The following DHRS3 variants were observed in gnomAD, a reference collection of about 807,000 sequenced individuals.
DHRS3 encodes dehydrogenase/reductase 3.
In DHRS3, 14 loss-of-function variants were observed where a neutral mutation model predicts 27.2. The observed-to-expected ratio is 0.52, with a 90% CI of 0.34 to 0.81. DHRS3 has a LOEUF of 0.81. Among genes scored for constraint, DHRS3 ranks in the 30% least tolerant of loss-of-function variants. The probability of loss-of-function intolerance (pLI) is 0.01; values close to 1 mark genes in which losing one functional copy is unlikely to be tolerated. For missense variants in DHRS3, 322 were observed against 406.2 expected, an observed-to-expected ratio of 0.79 and a Z score of 1.78; for synonymous variants, 165 against 175.9, an observed-to-expected ratio of 0.94 and a Z score of 0.49.
chr1:12,614,495 A>T (rs554171315), intron 1 of DHRS3, among the ~76,000 whole-genome samples: 1 of 151,038 alleles, frequency 6.6e-6, no homozygotes, highest in African/African-American at 2.4e-5. Context: ...TCAAATTCTT[A>T]CAGCCTTAGT....
At chr1:12,602,466 A>G (rs916124192) in intron 1 of DHRS3, among the ~76,000 whole-genome samples, 3 of 150,590 alleles carry the variant, frequency 2.0e-5, no homozygotes, top group African/African-American at 7.3e-5. Flanking sequence ...CAGGGGCACA[A>G]CTCTCTGCTT....
chr1:12,610,117 T>A (rs1185073713), intron 1 of DHRS3, among the ~76,000 whole-genome samples: 5 of 152,148 alleles, frequency 3.3e-5, no homozygotes, highest in African/African-American at 9.7e-5. Context: ...CTCCCACTGT[T>A]GCTCAGGCTG....
intron 1 of DHRS3, among the ~76,000 whole-genome samples, chr1:12,581,404 T>C (rs766266347): frequency 1.3e-5 from 2 of 152,160 alleles, no homozygotes; most frequent in Admixed American, 6.5e-5. Flanking sequence ...GTAGCATAGA[T>C]GGGACCATTC....
In DHRS3 at chr1:12,592,468, G is replaced by A. The variant is rs772580507; in HGVS notation, c.196-11802C>T. 1.3e-5 allele frequency among the ~76,000 whole-genome samples: 2 copies of A among 152,216 alleles called. No individual in the cohort carries two copies. The highest frequency in any genetic ancestry group is 2.9e-5 in the Non-Finnish European group (2 of 68,032). ...ACAGAGGAGAGGAAGGCCGCGTGAAGATGGAAGCAGAGACGGCAGTGAGGC... is the reference window on the plus strand; with the variant it reads ...ACAGAGGAGAGGAAGGCCGCGTGAAAATGGAAGCAGAGACGGCAGTGAGGC... On this transcript the variant is annotated intron_variant, in intron 1 of 5. Coordinates refer to ENST00000616661, the MANE Select transcript of DHRS3 (RefSeq NM_004753.7). The surrounding 1 kb of genome is among the most constrained non-coding windows in gnomAD (Gnocchi z 4.2).
chr1:12,612,769 G>T (rs1204530418), intron 1 of DHRS3, among the ~76,000 whole-genome samples: 2 of 152,100 alleles, frequency 1.3e-5, no homozygotes, highest in Admixed American at 1.3e-4. Context: ...CTTATAAGAA[G>T]ATGATGGGGG....
chr1:12,609,600 CAA>C (rs1476210670), intron 1 of DHRS3, among the ~76,000 whole-genome samples: 2 of 152,232 alleles, frequency 1.3e-5, no homozygotes, highest in Non-Finnish European at 2.9e-5. Context: ...GGTGGCGAAG[CAA>C]GTCTGGGTGA....
intron 1 of DHRS3, among the ~76,000 whole-genome samples, chr1:12,607,582 A>G (rs1484825659): frequency 6.6e-6 from 1 of 152,144 alleles, no homozygotes; most frequent in Non-Finnish European, 1.5e-5. Flanking sequence ...AGCCATGTGT[A>G]ACTGTGAGTC....
intron 1 of DHRS3, among the ~76,000 whole-genome samples, chr1:12,587,908 G>A (rs750477893): frequency 1.3e-5 from 2 of 152,198 alleles, no homozygotes; most frequent in Non-Finnish European, 2.9e-5. Context: ...GCAAGTGACT[G>A]TCTATTCACA....
At position 12,608,791 on chromosome 1, in the gene DHRS3, T is replaced by C. The variant is rs1646888144; in HGVS notation, c.195+8363A>G. Among the ~76,000 whole-genome samples the C allele has an allele frequency of 6.6e-6, 1 of 152,190 alleles. No individual in the cohort carries two copies. Among genetic ancestry groups the C allele is most frequent in the South Asian group, 2.1e-4 (1 of 4,828 alleles). ...TCGAGCCCTCCCCACGGGCCTAGCA[T>C]GGGCCTCCAGAACCATCTAGAACAG... On this transcript the variant is annotated intron_variant, in intron 1 of 5. Transcript: ENST00000616661. This position sits in a 1 kb window ranked among gnomAD's most constrained non-coding sequence, Gnocchi z 4.1.
chr1:12,590,815 T>C (rs1368152367), intron 1 of DHRS3, among the ~76,000 whole-genome samples: 2 of 151,324 alleles, frequency 1.3e-5, no homozygotes, highest in East Asian at 3.9e-4. Context: ...CTACCAGCCC[T>C]TCTGCTTCCA....
chr1:12,597,179 C>G (rs935987679), intron 1 of DHRS3, among the ~76,000 whole-genome samples: 1 of 152,144 alleles, frequency 6.6e-6, no homozygotes, highest in Non-Finnish European at 1.5e-5. Context: ...CGGGTTCAAG[C>G]GATTCTCCTG....
rs771836777 is a variant in DHRS3, at chr1:12,617,126, C to A, written c.195+28G>T. On this transcript the variant is annotated intron_variant, in intron 1 of 5. Transcript: ENST00000616661. ...GCTTACCCCCGCCCCTGCGGCCCCC[C>A]ACTCCCTGGAGTCGCAGTGCCTGGT... 7 of 1,596,774 alleles carry A rather than the reference C, an allele frequency of 4.4e-6. No homozygotes were observed. In the South Asian group the frequency reaches 6.6e-5, roughly 15 times the overall value.
intron 1 of DHRS3, among the ~76,000 whole-genome samples, chr1:12,615,721 G>T (rs1227584307): frequency 2.0e-5 from 3 of 152,286 alleles, no homozygotes; most frequent in African/African-American, 7.2e-5. Flanking sequence ...ACCCTCATCT[G>T]CCCTTTTCAG....
intron 1 of DHRS3, among the ~76,000 whole-genome samples, chr1:12,587,867 A>T (rs909184010): frequency 2.6e-5 from 4 of 152,124 alleles, no homozygotes; most frequent in African/African-American, 9.7e-5. Flanking sequence ...CCAGCCCCCG[A>T]GTGGTGCTCT....
Position 12,591,955 on chromosome 1 carries a change from T to C in DHRS3, c.196-11289A>G, listed in dbSNP as rs1334359810. Reference sequence around the variant, plus strand: ...GTTATGAAAGGCATGGCAGAGATGTTCCTTGCCCCTCTGCGAGGACACTGG... The same window carrying C: ...GTTATGAAAGGCATGGCAGAGATGTCCCTTGCCCCTCTGCGAGGACACTGG... On this transcript the variant is annotated intron_variant, in intron 1 of 5. Transcript: ENST00000616661. The surrounding 1 kb of genome is among the most constrained non-coding windows in gnomAD (Gnocchi z 4.1). 6.6e-6 allele frequency among the ~76,000 whole-genome samples: 1 copy of C among 152,200 alleles called. No homozygotes were observed. Among genetic ancestry groups the C allele is most frequent in the East Asian group, 1.9e-4 (1 of 5,198 alleles).
At chr1:12,573,586 C>T (rs919685249) in intron 4 of DHRS3, among the ~76,000 whole-genome samples, 3 of 152,214 alleles carry the variant, frequency 2.0e-5, no homozygotes, top group African/African-American at 7.2e-5. Context: ...ATGTGTCCTG[C>T]TCATTCTGTC....
intron 1 of DHRS3, 120 bp downstream of exon 1, chr1:12,617,034 G>T: frequency 8.3e-7 from 1 of 1,201,628 alleles, no homozygotes; most frequent in Non-Finnish European, 1.1e-6. Flanking sequence ...CGTGGGTGGC[G>T]CGGAGAAGTG....
intron 1 of DHRS3, among the ~76,000 whole-genome samples, chr1:12,605,573 A>G (rs1338285242): frequency 2.6e-5 from 4 of 152,236 alleles, no homozygotes; most frequent in Admixed American, 2.6e-4. Flanking sequence ...AAAAAGTTCA[A>G]GGAAAATGCG....
At chr1:12,571,962 A>C (rs1172237785) in intron 5 of DHRS3, among the ~76,000 whole-genome samples, 1 of 152,236 alleles carries the variant, frequency 6.6e-6, no homozygotes, top group Non-Finnish European at 1.5e-5. Context: ...ATGCACATAT[A>C]AGAATCCAAT....
Sources: gnomAD v4.1 joint callset for allele counts (sites outside exome capture counted in the v4.1 genomes callset) on GRCh38, gnomAD v4.1.1 for gene constraint, Gnocchi (gnomAD v3.1) non-coding constraint, MANE v1.5 for transcripts, NCBI Gene and HGNC (gene_info 2026-07-23, HGNC 2026-07-21) for gene names.